CTNNA3: variants seen among roughly 807,000 people sequenced by gnomAD.
CTNNA3 encodes the protein catenin alpha-3.
In CTNNA3, 76 loss-of-function variants were observed where a neutral mutation model predicts 95.7. The observed-to-expected ratio is 0.79, with a 90% CI of 0.66 to 0.96. The LOEUF (loss-of-function observed/expected upper bound fraction) is 0.96. CTNNA3 is among the 40% of genes least tolerant of loss of function. The pLI is 0.00. For missense variants in CTNNA3, 1,191 were observed against 1,089.8 expected (o/e 1.09, Z -1.31); for synonymous variants, 431 against 374.4 (o/e 1.15, Z -1.74).
At chr10:66,506,483 G>A (rs1840454742) in intron 11 of CTNNA3, among the ~76,000 whole-genome samples, 1 of 152,112 alleles carries the variant, frequency 6.6e-6, no homozygotes, top group Non-Finnish European at 1.5e-5. Flanking sequence ...ATTTTCTAAA[G>A]GTTCAATTCA....
intron 7 of CTNNA3, among the ~76,000 whole-genome samples, chr10:67,132,636 G>A (rs977717892): frequency 6.6e-6 from 1 of 151,856 alleles, no homozygotes; most frequent in African/African-American, 2.4e-5. Flanking sequence ...GGTTATCAAG[G>A]ACACATAAAA....
chr10:66,703,511 T>G (rs182010537), intron 9 of CTNNA3, among the ~76,000 whole-genome samples: 82 of 152,280 alleles, frequency 5.4e-4, no homozygotes, highest in Admixed American at 8.5e-4. Flanking sequence ...ATCTAACAGT[T>G]GTCATCCAAT....
intron 7 of CTNNA3, among the ~76,000 whole-genome samples, chr10:66,974,631 A>C (rs751595318): frequency 6.6e-6 from 1 of 152,232 alleles, no homozygotes; most frequent in Non-Finnish European, 1.5e-5. Flanking sequence ...TCAGTAATGT[A>C]TAAGAGTTTC....
chr10:67,483,094 A>G (rs1011951734), intron 5 of CTNNA3, among the ~76,000 whole-genome samples: 19 of 152,034 alleles, frequency 1.2e-4, no homozygotes, highest in Admixed American at 4.6e-4. Flanking sequence ...TTAGAATGGC[A>G]ATCATTAAAA....
At chr10:67,132,052 T>C (rs574512183) in intron 7 of CTNNA3, among the ~76,000 whole-genome samples, 34 of 152,080 alleles carry the variant, frequency 2.2e-4, no homozygotes, top group Non-Finnish European at 3.5e-4. Flanking sequence ...GCATAAGATG[T>C]GATGAAAATG....
At chr10:67,071,534 A>G (rs1293139669) in intron 7 of CTNNA3, among the ~76,000 whole-genome samples, 1 of 150,920 alleles carries the variant, frequency 6.6e-6, no homozygotes, top group Non-Finnish European at 1.5e-5. Flanking sequence ...CTTTGACTTC[A>G]TTTAAGATCT....
At chr10:67,299,399 T>G (rs1840175903) in intron 5 of CTNNA3, among the ~76,000 whole-genome samples, 1 of 152,190 alleles carries the variant, frequency 6.6e-6, no homozygotes, top group African/African-American at 2.4e-5. Context: ...ATGATCAAGA[T>G]CTACGTAAAT....
In CTNNA3 at chr10:67,219,590, T is replaced by A. The variant is rs77409659; in HGVS notation, c.843+17A>T. The A allele has an allele frequency of 4.4e-6, 7 of 1,605,298 alleles. No individual in the cohort carries two copies. The highest frequency in any genetic ancestry group is 1.7e-4 in the Middle Eastern group (1 of 6,012). ...TATTAGGACATCAGATCACACTTTA[T>A]CTTTCTCCCGACTTACCTCCAGCTC... On this transcript the variant is annotated intron_variant, in intron 6 of 17. Transcript: ENST00000433211.
intron 15 of CTNNA3, among the ~76,000 whole-genome samples, chr10:66,021,886 C>A (rs553119826): frequency 1.2e-4 from 7 of 58,126 alleles, no homozygotes; most frequent in Non-Finnish European, 1.9e-4. Context: ...TAGGGTCTCG[C>A]CCTGTCACCC....
intron 1 of CTNNA3, among the ~76,000 whole-genome samples, chr10:67,745,230 T>G (rs1163977986): frequency 1.3e-5 from 2 of 152,094 alleles, no homozygotes; most frequent in African/African-American, 4.8e-5. Flanking sequence ...AGCAGCACTA[T>G]TCACGATAGC....
chr10:66,656,956 C>A (rs933325879), intron 9 of CTNNA3, among the ~76,000 whole-genome samples: 1 of 152,056 alleles, frequency 6.6e-6, no homozygotes, highest in Non-Finnish European at 1.5e-5. Flanking sequence ...AAAAGATAAT[C>A]CATATGTCCC....
intron 9 of CTNNA3, among the ~76,000 whole-genome samples, chr10:66,700,424 T>A (rs905293572): frequency 6.6e-6 from 1 of 152,158 alleles, no homozygotes; most frequent in Non-Finnish European, 1.5e-5. Context: ...GTAGCCTTGC[T>A]GAAAATTGGT....
At chr10:66,089,843 C>T (rs190372298) in intron 14 of CTNNA3, among the ~76,000 whole-genome samples, 2 of 151,698 alleles carry the variant, frequency 1.3e-5, no homozygotes, top group Non-Finnish European at 2.9e-5. Context: ...ACCCTAAGAC[C>T]CAGGCACTCT....
intron 6 of CTNNA3, among the ~76,000 whole-genome samples, chr10:67,212,693 C>T (rs1167464281): frequency 2.6e-5 from 4 of 151,952 alleles, no homozygotes; most frequent in Admixed American, 2.0e-4. Flanking sequence ...TCTGTATCTA[C>T]TGAGATTATT....
intron 7 of CTNNA3, among the ~76,000 whole-genome samples, chr10:67,038,445 C>T (rs1233017216): frequency 6.6e-6 from 1 of 151,808 alleles, no homozygotes; most frequent in Non-Finnish European, 1.5e-5. Context: ...AATATATGTC[C>T]ATTAATTAGA....
Position 66,445,348 on chromosome 10 carries a change from C to A in CTNNA3, c.1532-65996G>T, listed in dbSNP as rs200000103. Among the ~76,000 whole-genome samples, 4 of 152,166 alleles carry A rather than the reference C, an allele frequency of 2.6e-5. No individual in the cohort carries two copies. In the South Asian group the frequency reaches 6.2e-4, roughly 24 times the overall value. The stretch of plus-strand genomic sequence containing the variant: ...TAATAGACATCTACAGAACTCTCCA[C>A]CCCAAATCAACAGAATATACATTTT... On this transcript the variant is annotated intron_variant, in intron 11 of 17. Coordinates refer to ENST00000433211, the MANE Select transcript of CTNNA3 (RefSeq NM_013266.4).
chr10:66,642,552 A>C (rs932962097), intron 9 of CTNNA3, among the ~76,000 whole-genome samples: 3 of 152,156 alleles, frequency 2.0e-5, no homozygotes, highest in Admixed American at 6.6e-5. Context: ...TATAACTGCT[A>C]TACAAGCACC....
chr10:67,344,856 CTTTA>C (rs1430893550), intron 5 of CTNNA3, among the ~76,000 whole-genome samples: 1 of 151,780 alleles, frequency 6.6e-6, no homozygotes, highest in East Asian at 1.9e-4. Flanking sequence ...CTGCTCTAAT[CTTTA>C]TTTATAGTTT....
intron 1 of CTNNA3, among the ~76,000 whole-genome samples, chr10:67,711,568 A>AATTT (rs572590258): frequency 2.2e-5 from 3 of 133,974 alleles, no homozygotes; most frequent in South Asian, 2.3e-4. Context: ...TGGCAGAAGA[A>AATTT]ATTTATTTAT....
Sources: gnomAD v4.1 joint callset for allele counts (sites outside exome capture counted in the v4.1 genomes callset) on GRCh38, gnomAD v4.1.1 for gene constraint, MANE v1.5 for transcripts, NCBI Gene and HGNC (gene_info 2026-07-23, HGNC 2026-07-21) for gene names.